Variants in WWOX observed in about 807,000 individuals in gnomAD.
The protein encoded by WWOX is WW domain containing oxidoreductase, also known as WW domain-containing oxidoreductase.
Under a neutral mutation model 46.2 loss-of-function variants are expected in WWOX, and 69 were observed. The ratio of observed to expected loss-of-function variants is 1.49; its 90% CI spans 1.23 to 1.82. The LOEUF is 1.82. Among genes scored for constraint, WWOX ranks in the 40% most tolerant of loss-of-function variants. The pLI, the probability that WWOX is intolerant of heterozygous loss-of-function variation, is 0.00. For synonymous variants in WWOX, 359 were observed against 202.6 expected (o/e 1.77, Z -6.56); for missense variants, 919 against 542.6 (o/e 1.69, Z -6.89).
At chr16:78,653,516 G>A (rs553169574) in intron 8 of WWOX, among the ~76,000 whole-genome samples, 2 of 152,222 alleles carry the variant, frequency 1.3e-5, no homozygotes, top group Non-Finnish European at 2.9e-5. Flanking sequence ...GGGTGCTTAT[G>A]AGGAAGGTTT....
At chr16:78,722,571 C>G (rs923645022) in intron 8 of WWOX, among the ~76,000 whole-genome samples, 6 of 152,018 alleles carry the variant, frequency 3.9e-5, no homozygotes, top group African/African-American at 1.2e-4. Flanking sequence ...TTCTGCCCCT[C>G]CAGTAGCTGT....
At chr16:78,108,614 C>G (rs1206374957) in intron 2 of WWOX, 127 bp downstream of exon 2, 2 of 970,302 alleles carry the variant, frequency 2.1e-6, no homozygotes, top group Non-Finnish European at 3.2e-6. Context: ...CAGACTCCCA[C>G]TCTGAGGAGC....
At chr16:79,099,425 G>A (rs2049144914) in intron 8 of WWOX, among the ~76,000 whole-genome samples, 1 of 152,122 alleles carries the variant, frequency 6.6e-6, no homozygotes, top group African/African-American at 2.4e-5. Context: ...GGAGACTGTG[G>A]TAAACTGCAG....
chr16:78,468,792 A>G (rs147788504), intron 8 of WWOX, among the ~76,000 whole-genome samples: 27 of 152,340 alleles, frequency 1.8e-4, no homozygotes, highest in African/African-American at 5.5e-4. Flanking sequence ...GCAACAATCT[A>G]TATTCTGATT....
At chr16:78,902,233 G>A (rs947788870) in intron 8 of WWOX, among the ~76,000 whole-genome samples, 1 of 152,190 alleles carries the variant, frequency 6.6e-6, no homozygotes, top group East Asian at 1.9e-4. Flanking sequence ...CAACAACTTA[G>A]CCTGGTTACT....
At chr16:78,303,611 C>G (rs1332988245) in intron 5 of WWOX, among the ~76,000 whole-genome samples, 1 of 152,198 alleles carries the variant, frequency 6.6e-6, no homozygotes, top group Non-Finnish European at 1.5e-5. Flanking sequence ...ATGGCACAAT[C>G]TCGGCTCACT....
rs1376209479 is a variant in WWOX at position 78,913,995 on chromosome 16, A to T, written c.1057-297613A>T. On this transcript the variant is annotated intron_variant, in intron 8 of 8. Transcript: ENST00000566780. ...ATTCCAGACAAGAAATTGTACCAGG[A>T]AATTCACTGATATTATTGGTCCATC... 2.0e-5 allele frequency among the ~76,000 whole-genome samples: 3 copies of T among 151,972 alleles called. 1 individual carries two copies. In the South Asian group the frequency reaches 6.2e-4, roughly 32 times the overall value.
chr16:78,963,762 T>G (rs769790899), intron 8 of WWOX, among the ~76,000 whole-genome samples: 1 of 152,200 alleles, frequency 6.6e-6, no homozygotes, highest in Non-Finnish European at 1.5e-5. Flanking sequence ...AAGTGGGCCT[T>G]AAAGGTGCTA....
chr16:78,702,124 T>TATA (rs777394763), intron 8 of WWOX, among the ~76,000 whole-genome samples: 6,077 of 105,306 alleles, frequency 0.058, 346 homozygotes, highest in Admixed American at 0.14. Flanking sequence ...ATATATATAT[T>TATA]TATTTATTTT....
chr16:78,689,981 C>T (rs888000787), intron 8 of WWOX, among the ~76,000 whole-genome samples: 13 of 152,090 alleles, frequency 8.5e-5, no homozygotes, highest in African/African-American at 2.9e-4. Flanking sequence ...CTACCTCAGC[C>T]TCCTGAGTAG....
At chr16:78,909,821 A>G (rs7186391) in intron 8 of WWOX, among the ~76,000 whole-genome samples, 140,439 of 152,242 alleles carry the variant, frequency 0.92, 65,855 homozygotes, top group East Asian at 1. Flanking sequence ...GAAAAGGGCC[A>G]GTTACTGTCT....
chr16:78,942,500 T>C (rs61190086), intron 8 of WWOX, among the ~76,000 whole-genome samples: 4,583 of 152,232 alleles, frequency 0.03, 246 homozygotes, highest in African/African-American at 0.11. Context: ...GAAAAATTGA[T>C]TCCCGTAGCT....
intron 8 of WWOX, among the ~76,000 whole-genome samples, chr16:78,713,625 G>T (rs987927122): frequency 5.3e-5 from 8 of 152,170 alleles, no homozygotes; most frequent in African/African-American, 1.7e-4. Context: ...GAATTCATAT[G>T]CATGGAGGAA....
At chr16:78,655,290 G>A (rs534539924) in intron 8 of WWOX, among the ~76,000 whole-genome samples, 4 of 152,124 alleles carry the variant, frequency 2.6e-5, no homozygotes, top group Non-Finnish European at 5.9e-5. Context: ...TGATCACTTA[G>A]AGACAACAGC....
Position 78,348,787 on chromosome 16 carries a change from G to C in WWOX, c.517-38073G>C, listed in dbSNP as rs150398920. 6.8e-3 allele frequency among the ~76,000 whole-genome samples: 829 copies of C among 121,224 alleles called. 222 individuals carry two copies. Among genetic ancestry groups the C allele is most frequent in the Middle Eastern group, 0.045 (11 of 246 alleles). 79.5% of individuals were successfully genotyped at this position (121,224 alleles called of 152,430 possible). A position where few individuals can be genotyped will look rare whatever the true frequency, so the allele number is the denominator to read the frequency against. On this transcript the variant is annotated intron_variant, in intron 5 of 8. Transcript: ENST00000566780. ...TGTGATGCTTAAATTCAGAAATTGG[G>C]AAGGAGGGTCAGGTAGCTATAAGCA...
At position 79,007,268 on chromosome 16, in the gene WWOX, G is replaced by C. The variant is rs191083155; in HGVS notation, c.1057-204340G>C. 2.7e-4 allele frequency among the ~76,000 whole-genome samples: 41 copies of C among 152,292 alleles called. No individual in the cohort carries two copies. In the East Asian group the frequency reaches 7.1e-3, roughly 27 times the overall value. On this transcript the variant is annotated intron_variant, in intron 8 of 8. Coordinates refer to ENST00000566780, the MANE Select transcript of WWOX (RefSeq NM_016373.4). ...AGGTTCTTTGCTGGAGAATAACAAA[G>C]GGAGGGACTTACATAAATAGAGTAA...
At chr16:78,940,210 C>T (rs995074314) in intron 8 of WWOX, among the ~76,000 whole-genome samples, 1 of 151,990 alleles carries the variant, frequency 6.6e-6, no homozygotes, top group African/African-American at 2.4e-5. Flanking sequence ...ATTATAAATT[C>T]GAGTAACAGA....
chr16:79,081,858 G>C (rs974603233), intron 8 of WWOX, among the ~76,000 whole-genome samples: 1 of 152,104 alleles, frequency 6.6e-6, no homozygotes, highest in Non-Finnish European at 1.5e-5. Context: ...CACCTCTGTG[G>C]GTTAGGACCC....
intron 5 of WWOX, among the ~76,000 whole-genome samples, chr16:78,197,345 T>TG (rs1280462442): frequency 2.0e-5 from 3 of 152,332 alleles, no homozygotes; most frequent in Non-Finnish European, 4.4e-5. Context: ...TCCTGGATGA[T>TG]GCTGTAAATT....
Sources: gnomAD v4.1 joint callset for allele counts (sites outside exome capture counted in the v4.1 genomes callset) on GRCh38, gnomAD v4.1.1 for gene constraint, MANE v1.5 for transcripts, NCBI Gene and HGNC (gene_info 2026-07-23, HGNC 2026-07-21) for gene names.